Variants in PLCB4 observed in about 807,000 individuals in gnomAD.
The protein encoded by PLCB4 is phospholipase C beta 4.
PLCB4 carries 77 observed loss-of-function variants against 178.8 expected under a neutral mutation model. That is an observed-to-expected ratio of 0.43 (90% CI 0.36 to 0.52). PLCB4 has a LOEUF of 0.52. Ranked by LOEUF, PLCB4 falls within the 20% of genes least tolerant of loss-of-function variation. The probability of loss-of-function intolerance (pLI) is 0.00; values close to 1 mark genes in which losing one functional copy is unlikely to be tolerated. For missense variants in PLCB4, 1,024 were observed against 1,453.4 expected (o/e 0.70, Z 4.80); for synonymous variants, 496 against 490.8 (o/e 1.01, Z -0.14).
At chr20:9,258,061 T>C (rs2094255197) in intron 3 of PLCB4, among the ~76,000 whole-genome samples, 1 of 152,112 alleles carries the variant, frequency 6.6e-6, no homozygotes, top group Non-Finnish European at 1.5e-5. Flanking sequence ...TAGAGAATCA[T>C]TCCACGTGGT....
intron 2 of PLCB4, among the ~76,000 whole-genome samples, chr20:9,109,566 T>C (rs543513668): frequency 3.3e-5 from 5 of 151,936 alleles, no homozygotes; most frequent in Non-Finnish European, 7.4e-5. Context: ...TTACCTACAA[T>C]ACACATATTC....
chr20:9,455,205 C>T (rs895556432), intron 33 of PLCB4, among the ~76,000 whole-genome samples: 5 of 152,136 alleles, frequency 3.3e-5, no homozygotes, highest in Admixed American at 2.0e-4. Flanking sequence ...CTTTATAGTA[C>T]TCTCCAAGAA....
chr20:9,071,903 G>A (rs940649158), intron 1 of PLCB4, among the ~76,000 whole-genome samples: 3 of 152,162 alleles, frequency 2.0e-5, no homozygotes, highest in Admixed American at 6.5e-5. Flanking sequence ...GCCGACCCAG[G>A]TCTTTTAATA....
chr20:9,294,427 A>C (rs1371350841), intron 3 of PLCB4, among the ~76,000 whole-genome samples: 1 of 152,118 alleles, frequency 6.6e-6, no homozygotes, highest in Non-Finnish European at 1.5e-5. Context: ...CATTTACTTC[A>C]GGCTCTCAGT....
At position 9,214,336 on chromosome 20, in the gene PLCB4, G is replaced by C. The variant is rs1001229663; in HGVS notation, c.-78-3054G>C. On this transcript the variant is annotated intron_variant, in intron 2 of 39. Coordinates refer to ENST00000378473, the MANE Select transcript of PLCB4 (RefSeq NM_001377142.1). ...AGCCTATCTTCATTCGTTTGCGTGT[G>C]AGATACCATATGTGGTCTTTGTGCC... 4.6e-5 allele frequency among the ~76,000 whole-genome samples: 7 copies of C among 152,132 alleles called. No homozygotes were observed. The East Asian group carries it at 1.3e-3, about 29-fold the overall frequency.
At chr20:9,281,123 G>A (rs1334339668) in intron 3 of PLCB4, among the ~76,000 whole-genome samples, 2 of 151,880 alleles carry the variant, frequency 1.3e-5, no homozygotes, top group Non-Finnish European at 2.9e-5. Flanking sequence ...TAACAGTTAA[G>A]TATACTAACC....
At chr20:9,413,898 G>T (rs1021819861) in intron 25 of PLCB4, among the ~76,000 whole-genome samples, 1 of 152,036 alleles carries the variant, frequency 6.6e-6, no homozygotes, top group Admixed American at 6.6e-5. Context: ...ATAGCTAGGG[G>T]TGCCCACCAC....
chr20:9,179,791 C>G (rs951200902), intron 2 of PLCB4, among the ~76,000 whole-genome samples: 1 of 152,166 alleles, frequency 6.6e-6, no homozygotes, highest in South Asian at 2.1e-4. Context: ...TTTCATTTCT[C>G]TACACCTCAC....
At chr20:9,123,037 A>G (rs1179046822) in intron 2 of PLCB4, among the ~76,000 whole-genome samples, 1 of 152,146 alleles carries the variant, frequency 6.6e-6, no homozygotes, top group Admixed American at 6.5e-5. Flanking sequence ...ATGTTTTTAC[A>G]ATATAGTTTG....
chr20:9,261,572 T>A (rs2147550058), intron 3 of PLCB4, among the ~76,000 whole-genome samples: 1 of 152,316 alleles, frequency 6.6e-6, no homozygotes, highest in African/African-American at 2.4e-5. Flanking sequence ...CAATTAAAAA[T>A]ATTCTAAGAG....
chr20:9,278,840 G>A (rs766022247), intron 3 of PLCB4, among the ~76,000 whole-genome samples: 3 of 152,046 alleles, frequency 2.0e-5, no homozygotes, highest in South Asian at 2.1e-4. Context: ...CTCACACAAG[G>A]CCTGTTCATT....
chr20:9,179,016 C>T (rs745688932), intron 2 of PLCB4, among the ~76,000 whole-genome samples: 3 of 151,796 alleles, frequency 2.0e-5, no homozygotes, highest in Non-Finnish European at 4.4e-5. Context: ...CTTTAACAAC[C>T]CTTTTGAACT....
chr20:9,090,507 A>G (rs930595980), intron 1 of PLCB4, among the ~76,000 whole-genome samples: 10 of 122,032 alleles, frequency 8.2e-5, no homozygotes, highest in African/African-American at 2.6e-4. Context: ...ACACATTTTT[A>G]GTGTGTTTTT....
intron 32 of PLCB4, among the ~76,000 whole-genome samples, chr20:9,446,663 C>G (rs908199212): frequency 5.3e-5 from 8 of 152,256 alleles, no homozygotes; most frequent in African/African-American, 1.9e-4. Flanking sequence ...CAGATCTCAC[C>G]TGAAGTCAGG....
chr20:9,421,007 T>G (rs778527472), intron 26 of PLCB4, among the ~76,000 whole-genome samples: 1 of 152,220 alleles, frequency 6.6e-6, no homozygotes, highest in Admixed American at 6.5e-5. Flanking sequence ...TTAGGTGAGA[T>G]GAAGAGGCCG....
Position 9,112,922 on chromosome 20 carries a change from A to T in PLCB4, c.-79+16580A>T, listed in dbSNP as rs538764937. ...AATTCAGCTTCTCAAATTGGTACGT[A>T]TAAAATTTTACCCTTTCCACAAAAG... On this transcript the variant is annotated intron_variant, in intron 2 of 39. Coordinates refer to ENST00000378473, the MANE Select transcript of PLCB4 (RefSeq NM_001377142.1). Among the ~76,000 whole-genome samples the T allele has an allele frequency of 4.6e-5, 7 of 152,180 alleles. No homozygotes were observed. The East Asian group carries it at 1.2e-3, about 25-fold the overall frequency.
At chr20:9,185,011 C>T (rs955754088) in intron 2 of PLCB4, among the ~76,000 whole-genome samples, 2 of 152,218 alleles carry the variant, frequency 1.3e-5, no homozygotes, top group African/African-American at 4.8e-5. Flanking sequence ...CAGCCTTGAC[C>T]ACCTGGGCTC....
At chr20:9,415,927 T>C (rs983265593) in intron 25 of PLCB4, among the ~76,000 whole-genome samples, 2 of 152,174 alleles carry the variant, frequency 1.3e-5, no homozygotes, top group African/African-American at 4.8e-5. Flanking sequence ...ACCAGGGATA[T>C]GAGAGGCAAC....
At chr20:9,148,307 G>A (rs1045858269) in intron 2 of PLCB4, among the ~76,000 whole-genome samples, 1 of 152,076 alleles carries the variant, frequency 6.6e-6, no homozygotes, top group Non-Finnish European at 1.5e-5. Flanking sequence ...GGACTGAAAT[G>A]TATTTGCAAT....
Sources: gnomAD v4.1 joint callset for allele counts (sites outside exome capture counted in the v4.1 genomes callset) on GRCh38, gnomAD v4.1.1 for gene constraint, MANE v1.5 for transcripts, NCBI Gene and HGNC (gene_info 2026-07-23, HGNC 2026-07-21) for gene names.